KMT2C: variants seen among roughly 807,000 people sequenced by gnomAD.
KMT2C encodes the protein lysine methyltransferase 2C.
Under a neutral mutation model 507.9 loss-of-function variants are expected in KMT2C, and 88 were observed. That is an observed-to-expected ratio of 0.17 (90% CI 0.15 to 0.21). The LOEUF is 0.21. Among genes scored for constraint, KMT2C ranks in the 10% least tolerant of loss-of-function variants. KMT2C has a pLI of 1.00. For synonymous variants in KMT2C, 2,049 were observed against 2,080.8 expected, an observed-to-expected ratio of 0.98 and a Z score of 0.42; for missense variants, 4,954 against 5,957.8, an observed-to-expected ratio of 0.83 and a Z score of 5.55.
intron 43 of KMT2C, 30 bp downstream of exon 43, chr7:152,162,087 A>T: frequency 6.7e-7 from 1 of 1,498,248 alleles, no homozygotes; most frequent in South Asian, 1.5e-5. Flanking sequence ...ACAAAAGAAA[A>T]AAGTTGTCGT....
intron 2 of KMT2C, among the ~76,000 whole-genome samples, chr7:152,334,858 G>A (rs755694413): frequency 8.5e-5 from 13 of 152,200 alleles, no homozygotes; most frequent in Admixed American, 8.5e-4. Flanking sequence ...TATTACATGA[G>A]AGAAGATCAA....
intron 1 of KMT2C, among the ~76,000 whole-genome samples, chr7:152,418,073 TG>T (rs2097756850): frequency 6.6e-6 from 1 of 151,818 alleles, no homozygotes; most frequent in Non-Finnish European, 1.5e-5. Context: ...CCCAAGTAGC[TG>T]GGACTACAGG....
chr7:152,145,393 A>C, intron 53 of KMT2C, 98 bp from the exon 54 acceptor site: 122 of 1,204,048 alleles, frequency 1.0e-4, no homozygotes, highest in Non-Finnish European at 1.3e-4. Context: ...GAAATAACTC[A>C]TCAGCGTTTT....
chr7:152,263,568 G>A (rs575560480), intron 8 of KMT2C, among the ~76,000 whole-genome samples: 8 of 152,294 alleles, frequency 5.3e-5, no homozygotes, highest in African/African-American at 1.9e-4. Flanking sequence ...TCAGGCTGCT[G>A]TTTTCTAGCT....
In KMT2C at chr7:152,180,565, T is replaced by C. The variant is rs181733608; in HGVS notation, c.7149+146A>G. The C allele has an allele frequency of 4.4e-4, 279 of 632,646 alleles. 1 individual carries two copies. The East Asian group carries it at 7.9e-3, about 18-fold the overall frequency. 39.2% of individuals were successfully genotyped at this position (632,646 alleles called of 1,614,324 possible). The stretch of plus-strand genomic sequence containing the variant: ...ATTAAACTGGTGTTAATTTCATCAA[T>C]TTCATTTTTCTTTTTTGCAGTATGA... On this transcript the variant is annotated intron_variant, in intron 36 of 58. Transcript: ENST00000262189.
At position 152,435,801 on chromosome 7, in the gene KMT2C, A is replaced by C; in HGVS notation, c.-15T>G. The C allele has an allele frequency of 7.3e-7, 1 of 1,368,978 alleles. No homozygotes were observed. Among genetic ancestry groups the C allele is most frequent in the Non-Finnish European group, 9.5e-7 (1 of 1,054,888 alleles). 84.8% of individuals were successfully genotyped at this position (1,368,978 alleles called of 1,614,324 possible). Reference sequence around the variant, plus strand: ...TCCGACGACATCCTAGTCACCAGGAAAGACACATGGATCCCGGTCCTCCTC... The same window carrying C: ...TCCGACGACATCCTAGTCACCAGGACAGACACATGGATCCCGGTCCTCCTC... On this transcript the variant is annotated 5_prime_UTR_variant, in exon 1 of 59. Transcript: ENST00000262189.
At position 152,249,969 on chromosome 7, in the gene KMT2C, T is replaced by A; in HGVS notation, c.1736-16A>T. 1.3e-6 allele frequency: 2 copies of A among 1,568,966 alleles called. No individual in the cohort carries two copies. Among genetic ancestry groups the A allele is most frequent in the Non-Finnish European group, 1.8e-6 (2 of 1,140,676 alleles). On this transcript the variant is annotated splice_polypyrimidine_tract_variant and intron_variant, in intron 12 of 58. Transcript: ENST00000262189. ...ACTTGAACCGCTGTGAGTAACACAT[T>A]TATAAAATCTCTAAGGAGTCAAAAT...
intron 3 of KMT2C, among the ~76,000 whole-genome samples, chr7:152,318,373 T>C (rs2096740923): frequency 6.6e-6 from 1 of 151,794 alleles, no homozygotes; most frequent in Admixed American, 6.6e-5. Flanking sequence ...GGAGGCCTAG[T>C]TGGGCAGATC....
rs2092768305 is a variant in KMT2C at position 152,167,152 on chromosome 7, T to C, written c.9744A>G (p.Leu3248=). 1.2e-6 allele frequency: 2 copies of C among 1,613,162 alleles called. No homozygotes were observed. The highest frequency in any genetic ancestry group is 2.2e-5 in the East Asian group (1 of 44,884). Residue 3248 remains leucine, a synonymous_variant, in exon 42 of 59, where the codon CTA becomes CTG. Coordinates refer to ENST00000262189, the MANE Select transcript of KMT2C (RefSeq NM_170606.3). ...TEQQSMVQKQ[L]EQIRKQQKEH... Reference sequence around the variant, plus strand: ...TTGCAAACCTATTTATTACCTGTTCTAGCTGTTTCTGAACCATGCTTTGCT... The same window carrying C: ...TTGCAAACCTATTTATTACCTGTTCCAGCTGTTTCTGAACCATGCTTTGCT...
intron 26 of KMT2C, among the ~76,000 whole-genome samples, chr7:152,201,842 T>C (rs781063633): frequency 6.6e-5 from 10 of 152,106 alleles, no homozygotes; most frequent in Non-Finnish European, 1.5e-5. Flanking sequence ...GGCACCACTA[T>C]GTCACAAATG....
chr7:152,135,327 T>G lies in KMT2C; in HGVS notation c.*1505A>C, dbSNP rs947008657. 1.8e-5 allele frequency: 4 copies of G among 217,564 alleles called. No individual in the cohort carries two copies. The highest frequency in any genetic ancestry group is 6.7e-5 in the African/African-American group (3 of 44,630). 13.5% of individuals were successfully genotyped at this position (217,564 alleles called of 1,614,324 possible). A position where few individuals can be genotyped will look rare whatever the true frequency, so the allele number is the denominator to read the frequency against. On this transcript the variant is annotated 3_prime_UTR_variant, in exon 59 of 59. Coordinates refer to ENST00000262189, the MANE Select transcript of KMT2C (RefSeq NM_170606.3). The stretch of plus-strand genomic sequence containing the variant: ...CCTGTGAAGTGTCAGTACCAGAATT[T>G]TAAGTACAAAATAAAAAGCTAACCT...
Position 152,335,124 on chromosome 7 carries a change from A to G in KMT2C, c.251-4385T>C, listed in dbSNP as rs375019840. Reference sequence around the variant, plus strand: ...TGTAGACTGTACCTACAGAGCCTGTAGCTCTAGGCAAAGCATCTGGAATGA... The same window carrying G: ...TGTAGACTGTACCTACAGAGCCTGTGGCTCTAGGCAAAGCATCTGGAATGA... On this transcript the variant is annotated intron_variant, in intron 2 of 58. Coordinates refer to ENST00000262189, the MANE Select transcript of KMT2C (RefSeq NM_170606.3). Among the ~76,000 whole-genome samples, 65 of 152,358 alleles carry G rather than the reference A, an allele frequency of 4.3e-4. 1 individual carries two copies. The highest frequency in any genetic ancestry group is 1.5e-3 in the African/African-American group (63 of 41,592).
chr7:152,176,120 A>G, intron 38 of KMT2C, 71 bp downstream of exon 38: 4 of 1,339,212 alleles, frequency 3.0e-6, no homozygotes, highest in Non-Finnish European at 4.1e-6. Context: ...TAATAATAAA[A>G]TCTTATAAGC....
chr7:152,416,739 A>AG (rs1564183052), intron 1 of KMT2C, among the ~76,000 whole-genome samples: 2 of 148,768 alleles, frequency 1.3e-5, no homozygotes, highest in Non-Finnish European at 3.0e-5. Flanking sequence ...AAAAAAAAAA[A>AG]TTCAATGTAA....
At chr7:152,302,933 C>T (rs2096583465) in intron 6 of KMT2C, among the ~76,000 whole-genome samples, 1 of 152,032 alleles carries the variant, frequency 6.6e-6, no homozygotes, top group African/African-American at 2.4e-5. Context: ...CATGAGACGC[C>T]GCGCCTGGCC....
chr7:152,162,054 A>C, intron 43 of KMT2C, 63 bp downstream of exon 43: 1 of 1,462,834 alleles, frequency 6.8e-7, no homozygotes, highest in Admixed American at 2.4e-5. Flanking sequence ...GCTGGTACTA[A>C]TCTGCTGTAA....
chr7:152,339,015 A>G (rs944133090), intron 2 of KMT2C, among the ~76,000 whole-genome samples: 3 of 152,220 alleles, frequency 2.0e-5, no homozygotes, highest in African/African-American at 7.2e-5. Flanking sequence ...TATTTCCCTC[A>G]AAGGTTAAAT....
At chr7:152,297,057 G>GACAGACAGAAAGAAAGAAAGAAAGAA (rs756980169) in intron 6 of KMT2C, among the ~76,000 whole-genome samples, 3 of 90,696 alleles carry the variant, frequency 3.3e-5, no homozygotes, top group African/African-American at 1.4e-4. Flanking sequence ...AAGAAAGACA[G>GACAGACAGAAAGAAAGAAAGAAAGAA]AGAGAGAGAG....
At chr7:152,417,515 A>T (rs2097751586) in intron 1 of KMT2C, among the ~76,000 whole-genome samples, 1 of 152,224 alleles carries the variant, frequency 6.6e-6, no homozygotes, top group South Asian at 2.1e-4. Flanking sequence ...TAACAAACAG[A>T]TACAGATTGA....
Sources: gnomAD v4.1 joint callset for allele counts (sites outside exome capture counted in the v4.1 genomes callset) on GRCh38, gnomAD v4.1.1 for gene constraint, MANE v1.5 for transcripts, NCBI Gene and HGNC (gene_info 2026-07-23, HGNC 2026-07-21) for gene names.